CENPS: variants seen among roughly 807,000 people sequenced by gnomAD.
The protein encoded by CENPS is centromere protein S, also known as FANCM associated histone fold protein 1.
In CENPS, 16 loss-of-function variants were observed where a neutral mutation model predicts 17.9. The ratio of observed to expected loss-of-function variants is 0.90; its 90% confidence interval spans 0.61 to 1.36. The LOEUF (loss-of-function observed/expected upper bound fraction) is 1.36. CENPS is among the 40% of genes most tolerant of loss of function. The probability of loss-of-function intolerance (pLI) is 0.00; values close to 1 mark genes in which losing one functional copy is unlikely to be tolerated. For missense variants in CENPS, 160 were observed against 158.6 expected (o/e 1.01, Z -0.05); for synonymous variants, 49 against 55.8 (o/e 0.88, Z 0.54).
chr1:10,440,281 CTG>C, intron 3 of CENPS, 64 bp from the exon 4 acceptor site: 1 of 1,587,698 alleles, frequency 6.3e-7, no homozygotes, highest in South Asian at 1.2e-5. Context: ...CCGTGAACTT[CTG>C]TGTTTCATCA....
intron 1 of CENPS, chr1:10,431,484 C>T (rs1386876672): frequency 7.0e-7 from 1 of 1,433,316 alleles, no homozygotes; most frequent in East Asian, 2.5e-5. Flanking sequence ...TCCCTCCCAG[C>T]CCCGCGATTG....
In CENPS at chr1:10,431,785, C is replaced by T. The variant is rs1248793491; in HGVS notation, c.51+1217C>T. On this transcript the variant is annotated intron_variant, in intron 1 of 4. Coordinates refer to ENST00000309048, the MANE Select transcript of CENPS (RefSeq NM_199294.3). ...AGGGGAATCGCTTGAACCCGGGAGG[C>T]GGAGGTTGCAGTGAGCCGAGATCGC... Among the ~76,000 whole-genome samples the T allele has an allele frequency of 4.2e-5, 6 of 144,022 alleles. No homozygotes were observed. In the East Asian group the frequency reaches 8.4e-4, roughly 20 times the overall value. The allele number at this position is 144,022 out of a possible 152,430, so 94.5% of individuals were successfully genotyped here. A position where few individuals can be genotyped will look rare whatever the true frequency, so the allele number is the denominator to read the frequency against.
At chr1:10,432,897 C>T (rs958838945) in intron 1 of CENPS, among the ~76,000 whole-genome samples, 1 of 152,148 alleles carries the variant, frequency 6.6e-6, no homozygotes, top group Non-Finnish European at 1.5e-5. Flanking sequence ...TTTGGCTTCT[C>T]CTACCAGAGG....
chr1:10,437,627 TTG>T (rs1375521155), intron 3 of CENPS, among the ~76,000 whole-genome samples: 3 of 151,694 alleles, frequency 2.0e-5, no homozygotes, highest in African/African-American at 7.3e-5. Context: ...CAGCTAATTT[TTG>T]TGTTTTTAGT....
chr1:10,434,075 TA>T, intron 2 of CENPS, 110 bp downstream of exon 2: 1 of 1,546,824 alleles, frequency 6.5e-7, no homozygotes, highest in South Asian at 1.2e-5. Flanking sequence ...AGACCAAGAA[TA>T]TTATCATCCT....
intron 1 of CENPS, chr1:10,431,457 CTGTT>C (rs1570016531): frequency 6.6e-7 from 1 of 1,521,756 alleles, no homozygotes; most frequent in African/African-American, 1.4e-5. Flanking sequence ...GCATTTTGCT[CTGTT>C]TGCTCCCATG....
intron 4 of CENPS, among the ~76,000 whole-genome samples, chr1:10,441,455 C>A (rs114659900): frequency 6.6e-6 from 1 of 150,792 alleles, no homozygotes; most frequent in East Asian, 2.0e-4. Flanking sequence ...GCTGGGACTA[C>A]AGGTGCATGC....
intron 3 of CENPS, among the ~76,000 whole-genome samples, chr1:10,437,816 G>C (rs1396511736): frequency 6.7e-6 from 1 of 148,166 alleles, no homozygotes; most frequent in South Asian, 2.1e-4. Context: ...AGGCTGGAGA[G>C]CAGCAGCTCA....
intron 1 of CENPS, among the ~76,000 whole-genome samples, chr1:10,432,992 G>A (rs1639989304): frequency 6.6e-6 from 1 of 152,168 alleles, no homozygotes; most frequent in African/African-American, 2.4e-5. Context: ...CTGAGTTCCT[G>A]GACTTGGGTT....
At chr1:10,433,785 C>T (rs375326874) in intron 1 of CENPS, 57 bp from the exon 2 acceptor site, 37 of 1,607,724 alleles carry the variant, frequency 2.3e-5, no homozygotes, top group East Asian at 2.2e-4. Context: ...TTTTTTAAGG[C>T]GTGAAAAGCT....
chr1:10,431,360 C>A (rs766025457), intron 1 of CENPS: 39 of 1,535,262 alleles, frequency 2.5e-5, no homozygotes, highest in Non-Finnish European at 3.2e-5. Context: ...TGCCCCTTGT[C>A]TTTTGAGAAG....
At position 10,442,634 on chromosome 1, in the gene CENPS, A is replaced by G. The variant is rs1030135340; in HGVS notation, c.*229A>G. On this transcript the variant is annotated 3_prime_UTR_variant, in exon 5 of 5. Coordinates refer to ENST00000309048, the MANE Select transcript of CENPS (RefSeq NM_199294.3). ...ATACTCCCAGGTCTCACTCCAGAAC[A>G]TAAAAATGGTGTGTGATCAAATGGT... The G allele has an allele frequency of 1.7e-6, 1 of 594,458 alleles. No individual in the cohort carries two copies. Among genetic ancestry groups the G allele is most frequent in the Non-Finnish European group, 2.4e-6 (1 of 412,266 alleles). The allele number at this position is 594,458 out of a possible 1,614,324, so 36.8% of individuals were successfully genotyped here. A position where few individuals can be genotyped will look rare whatever the true frequency, so the allele number is the denominator to read the frequency against.
At chr1:10,440,073 C>T (rs1274298759) in intron 3 of CENPS, 5 of 457,308 alleles carry the variant, frequency 1.1e-5, no homozygotes, top group Non-Finnish European at 1.9e-5. Flanking sequence ...GGCGCTAAGC[C>T]CCCAGCCTCC....
chr1:10,432,604 A>G (rs1041610237), intron 1 of CENPS, among the ~76,000 whole-genome samples: 1 of 130,762 alleles, frequency 7.6e-6, no homozygotes, highest in African/African-American at 2.9e-5. Context: ...TTAGCCTCTA[A>G]GTGCAGTGAT....
Position 10,430,504 on chromosome 1 carries a change from G to A in CENPS, c.-14G>A, listed in dbSNP as rs1410501821. 6.5e-7 allele frequency: 1 copy of A among 1,537,796 alleles called. No homozygotes were observed. The highest frequency in any genetic ancestry group is 8.8e-7 in the Non-Finnish European group (1 of 1,142,500). On this transcript the variant is annotated 5_prime_UTR_variant, in exon 1 of 5. Transcript: ENST00000309048. ...CTCGGCCCTCCTGCGTTTGCCCAGG[G>A]TCGGCCCGCAGTGATGGAGGAGGAG...
intron 3 of CENPS, among the ~76,000 whole-genome samples, chr1:10,438,519 AAGAT>A (rs1640272723): frequency 1.3e-5 from 2 of 152,226 alleles, no homozygotes; most frequent in African/African-American, 4.8e-5. Context: ...CATTTTGAAG[AAGAT>A]AGATATTCTA....
intron 1 of CENPS, chr1:10,430,789 G>T: frequency 7.3e-7 from 1 of 1,369,300 alleles, no homozygotes; most frequent in South Asian, 1.8e-5. Context: ...GGAGGAAGCG[G>T]TTCTAGGGGA....
intron 2 of CENPS, among the ~76,000 whole-genome samples, chr1:10,434,430 A>C (rs375787447): frequency 6.6e-6 from 1 of 152,194 alleles, no homozygotes; most frequent in African/African-American, 2.4e-5. Flanking sequence ...AAGACTTGCC[A>C]TGAAGGGTGA....
At chr1:10,435,706 T>TACACACACACAC (rs1405520586) in intron 3 of CENPS, among the ~76,000 whole-genome samples, 4,128 of 141,622 alleles carry the variant, frequency 0.029, 99 homozygotes, top group East Asian at 0.039. Context: ...AAAAATAATA[T>TACACACACACAC]ATATATATAT....
Sources: gnomAD v4.1 joint callset for allele counts (sites outside exome capture counted in the v4.1 genomes callset) on GRCh38, gnomAD v4.1.1 for gene constraint, MANE v1.5 for transcripts, NCBI Gene and HGNC (gene_info 2026-07-23, HGNC 2026-07-21) for gene names.